Variants in AGBL3 observed in about 807,000 individuals in gnomAD.
AGBL3 encodes AGBL carboxypeptidase 3.
Under a neutral mutation model 94.5 loss-of-function variants are expected in AGBL3, and 68 were observed. That is an observed-to-expected ratio of 0.72 (90% CI 0.59 to 0.88). The LOEUF (loss-of-function observed/expected upper bound fraction) is 0.88, where lower values mean the gene tolerates loss of function less well. AGBL3 is among the 40% of genes least tolerant of loss of function. The pLI is 0.00. For missense variants in AGBL3, 934 were observed against 1,103.8 expected (o/e 0.85, Z 2.18); for synonymous variants, 354 against 370.7 (o/e 0.95, Z 0.52).
chr7:135,072,003 AATCTAGTC>A (rs1219298197), intron 12 of AGBL3, among the ~76,000 whole-genome samples: 1 of 152,242 alleles, frequency 6.6e-6, no homozygotes, highest in Non-Finnish European at 1.5e-5. Context: ...AAATTTTTGC[AATCTAGTC>A]ATCTGACAAA....
chr7:135,121,429 C>T (rs1346672780), intron 16 of AGBL3, among the ~76,000 whole-genome samples: 1 of 151,644 alleles, frequency 6.6e-6, no homozygotes, highest in Non-Finnish European at 1.5e-5. Flanking sequence ...GATCATATAC[C>T]AAGATAGAAC....
intron 11 of AGBL3, among the ~76,000 whole-genome samples, chr7:135,058,676 C>G (rs1214250598): frequency 6.6e-6 from 1 of 152,106 alleles, no homozygotes; most frequent in Non-Finnish European, 1.5e-5. Flanking sequence ...CATTCCCAAA[C>G]CTTTATATCT....
At chr7:135,100,480 G>T (rs1258252183) in intron 15 of AGBL3, among the ~76,000 whole-genome samples, 3 of 152,138 alleles carry the variant, frequency 2.0e-5, no homozygotes, top group Non-Finnish European at 4.4e-5. Context: ...GTAACCATAG[G>T]TAAGTATTTG....
chr7:135,130,152 C>T lies in AGBL3; in HGVS notation c.2343-4689C>T, dbSNP rs541026438. Among the ~76,000 whole-genome samples the T allele has an allele frequency of 3.3e-4, 51 of 152,268 alleles. No individual in the cohort carries two copies. The South Asian group carries it at 5.2e-3, about 15-fold the overall frequency. ...ATGAAAATTATACTGAGAATCTGAT[C>T]TCATTTACTCCATGTTAATCACATT... On this transcript the variant is annotated intron_variant, in intron 16 of 16. Coordinates refer to ENST00000436302, the MANE Select transcript of AGBL3 (RefSeq NM_178563.4).
rs564897148 is a variant in AGBL3, at chr7:135,038,318, G to A, written c.1500+738G>A. Among the ~76,000 whole-genome samples the A allele has an allele frequency of 7.2e-5, 11 of 152,256 alleles. No individual in the cohort carries two copies. In the South Asian group the frequency reaches 2.3e-3, roughly 32 times the overall value. On this transcript the variant is annotated intron_variant, in intron 8 of 16. Transcript: ENST00000436302. Reference sequence around the variant, plus strand: ...TGATAAAAATAGCTATTTAAAGAAAGAACAGGTTTGTTCGCCAAAGAGGAT... The same window carrying A: ...TGATAAAAATAGCTATTTAAAGAAAAAACAGGTTTGTTCGCCAAAGAGGAT...
chr7:135,038,938 G>A (rs1398545156), intron 8 of AGBL3, among the ~76,000 whole-genome samples: 1 of 149,734 alleles, frequency 6.7e-6, no homozygotes, highest in Non-Finnish European at 1.5e-5. Context: ...CAGCCTGGAC[G>A]ATAGAGCGAG....
At chr7:135,127,127 A>C (rs977911459) in intron 16 of AGBL3, among the ~76,000 whole-genome samples, 1 of 152,144 alleles carries the variant, frequency 6.6e-6, no homozygotes, top group African/African-American at 2.4e-5. Context: ...CATCTGACAA[A>C]GGTCTAATAT....
intron 7 of AGBL3, 126 bp downstream of exon 7, chr7:135,035,054 A>T: frequency 8.2e-6 from 7 of 856,096 alleles, no homozygotes; most frequent in Non-Finnish European, 1.2e-5. Flanking sequence ...TAACTACTTT[A>T]TTTTTTCCCC....
intron 5 of AGBL3, among the ~76,000 whole-genome samples, chr7:135,022,343 T>C (rs1563192074): frequency 6.6e-6 from 1 of 152,242 alleles, no homozygotes; most frequent in African/African-American, 2.4e-5. Flanking sequence ...TTCTTGACTT[T>C]TTAATAATCG....
intron 5 of AGBL3, among the ~76,000 whole-genome samples, chr7:135,028,246 A>G (rs1815359812): frequency 6.6e-6 from 1 of 151,530 alleles, no homozygotes; most frequent in South Asian, 2.1e-4. Flanking sequence ...AATTAGACAT[A>G]ATTGACTCTT....
At chr7:135,042,846 A>G (rs1329139371) in intron 8 of AGBL3, among the ~76,000 whole-genome samples, 1 of 152,126 alleles carries the variant, frequency 6.6e-6, no homozygotes, top group African/African-American at 2.4e-5. Flanking sequence ...CAGGAGTTTG[A>G]GACTGCAGTG....
chr7:135,133,066 TGC>T (rs1829005753), intron 16 of AGBL3, among the ~76,000 whole-genome samples: 1 of 92,548 alleles, frequency 1.1e-5, no homozygotes, highest in Non-Finnish European at 2.4e-5. Context: ...CACGCATGCG[TGC>T]ACACACACAC....
chr7:134,996,321 T>C (rs913367115), intron 4 of AGBL3, among the ~76,000 whole-genome samples: 9 of 152,194 alleles, frequency 5.9e-5, no homozygotes, highest in African/African-American at 2.2e-4. Context: ...CCTGTAGTCA[T>C]GACATCAAGC....
intron 16 of AGBL3, among the ~76,000 whole-genome samples, chr7:135,133,853 C>A (rs6966181): frequency 1 from 152,267 of 152,268 alleles, 76,133 homozygotes; most frequent in Middle Eastern, 1. Flanking sequence ...ATTATTAAAC[C>A]AACTATGGTA....
At chr7:135,122,085 G>A (rs527829181) in intron 16 of AGBL3, among the ~76,000 whole-genome samples, 1 of 152,218 alleles carries the variant, frequency 6.6e-6, no homozygotes, top group Non-Finnish European at 1.5e-5. Flanking sequence ...GAGTTCCTTG[G>A]GGGAGGGGCA....
intron 9 of AGBL3, 109 bp downstream of exon 9, chr7:135,044,260 A>T: frequency 3.9e-6 from 4 of 1,036,834 alleles, no homozygotes; most frequent in South Asian, 3.7e-5. Flanking sequence ...TATTTAAATA[A>T]TACTAATATT....
chr7:135,010,911 T>C (rs1280059632), intron 4 of AGBL3: 2 of 152,208 alleles, frequency 1.3e-5, no homozygotes, highest in Non-Finnish European at 2.9e-5. Context: ...CTGATCTACA[T>C]GTCCCATGCA....
At chr7:135,099,973 C>T (rs28368533) in intron 15 of AGBL3, 70,870 of 145,438 alleles carry the variant, frequency 0.49, 17,554 homozygotes, top group South Asian at 0.66. Flanking sequence ...CTGCAAGCTC[C>T]GCCTCCCAGG....
intron 11 of AGBL3, among the ~76,000 whole-genome samples, chr7:135,052,437 T>G (rs4732085): frequency 0.93 from 141,281 of 152,182 alleles, 66,420 homozygotes; most frequent in Non-Finnish European, 1. Flanking sequence ...TTTTTTTCCA[T>G]AGATTCGGGG....
Sources: allele counts gnomAD v4.1 joint callset (sites outside exome capture counted in the v4.1 genomes callset), GRCh38; gene constraint gnomAD v4.1.1; transcripts MANE v1.5; gene names NCBI Gene and HGNC (gene_info 2026-07-23, HGNC 2026-07-21).